The following TUT4 variants were observed in gnomAD, a reference collection of about 807,000 sequenced individuals.
TUT4 encodes terminal uridylyltransferase 4.
A neutral mutation model predicts 192.2 loss-of-function variants in TUT4; 36 were observed. The observed-to-expected ratio is 0.19, with a 90% CI of 0.14 to 0.25. TUT4 has a LOEUF of 0.25. TUT4 is among the 10% of genes least tolerant of loss of function. The pLI, the probability that TUT4 is intolerant of heterozygous loss-of-function variation, is 1.00. For missense variants in TUT4, 1,493 were observed against 1,957.2 expected (o/e 0.76, Z 4.47); for synonymous variants, 618 against 666.0 (o/e 0.93, Z 1.11).
rs954261613 is a variant in TUT4 at position 52,505,137 on chromosome 1, T to C, written c.999+4459A>G. On this transcript the variant is annotated intron_variant, in intron 4 of 29. Coordinates refer to ENST00000257177, the MANE Select transcript of TUT4 (RefSeq NM_001009881.3). ...ATCATACTGTAGTTCTATTTTTAAT[T>C]TGTTGAAGAACCACCGTACTCTTTT... Among the ~76,000 whole-genome samples, 4 of 152,322 alleles carry C rather than the reference T, an allele frequency of 2.6e-5. No individual in the cohort carries two copies. The South Asian group carries it at 6.2e-4, about 24-fold the overall frequency.
At chr1:52,531,133 C>T (rs1683278592) in intron 1 of TUT4, among the ~76,000 whole-genome samples, 1 of 151,992 alleles carries the variant, frequency 6.6e-6, no homozygotes, top group Non-Finnish European at 1.5e-5. Flanking sequence ...ACCTCTAGTT[C>T]TTGGTTACAT....
In TUT4 at chr1:52,510,317, C is replaced by CAAAAAAAA. The variant is rs200690805; in HGVS notation, c.883-613_883-606dup. 3.2e-3 allele frequency among the ~76,000 whole-genome samples: 249 copies of CAAAAAAAA among 78,294 alleles called. 1 individual carries two copies. Among genetic ancestry groups the CAAAAAAAA allele is most frequent in the Non-Finnish European group, 4.5e-3 (174 of 38,512 alleles). The allele number at this position is 78,294 out of a possible 152,430, so 51.4% of individuals were successfully genotyped here. ...GCAACAGAGCAAGACTTCGTATTAA[C>CAAAAAAAA]AAAAAAAAAAAAAAAAAAAAAAAAG... On this transcript the variant is annotated intron_variant, in intron 3 of 29. Coordinates refer to ENST00000257177, the MANE Select transcript of TUT4 (RefSeq NM_001009881.3).
At chr1:52,456,145 T>C (rs1224983244) in intron 20 of TUT4, among the ~76,000 whole-genome samples, 1 of 152,116 alleles carries the variant, frequency 6.6e-6, no homozygotes, top group Non-Finnish European at 1.5e-5. Flanking sequence ...GGCTCATGCC[T>C]GTAATCCCAG....
chr1:52,481,291 T>C, intron 11 of TUT4, 132 bp downstream of exon 11: 2 of 923,568 alleles, frequency 2.2e-6, no homozygotes, highest in Non-Finnish European at 3.3e-6. Context: ...AACCCCTCAC[T>C]TTATAGATGA....
chr1:52,462,175 C>CTTTTTTTTTTTTTT (rs1210058850), intron 16 of TUT4: 4 of 121,060 alleles, frequency 3.3e-5, no homozygotes, highest in African/African-American at 9.5e-5. Context: ...GGATTCAAAT[C>CTTTTTTTTTTTTTT]TTTTTTTTTT....
At chr1:52,519,035 A>G (rs1253452675) in intron 2 of TUT4, among the ~76,000 whole-genome samples, 2 of 152,226 alleles carry the variant, frequency 1.3e-5, no homozygotes, top group African/African-American at 4.8e-5. Flanking sequence ...ATATACTGAA[A>G]AAATGAAAAC....
At chr1:52,475,948 G>A (rs541075716) in intron 12 of TUT4, among the ~76,000 whole-genome samples, 2 of 152,036 alleles carry the variant, frequency 1.3e-5, no homozygotes, top group East Asian at 1.9e-4. Context: ...AGGTTCAAGC[G>A]ATTCTCCTGA....
Position 52,425,510 on chromosome 1 carries a change from G to A in TUT4, c.4712-3C>T, listed in dbSNP as rs1454534121. On this transcript the variant is annotated splice_region_variant and splice_polypyrimidine_tract_variant and intron_variant, in intron 28 of 29. Coordinates refer to ENST00000257177, the MANE Select transcript of TUT4 (RefSeq NM_001009881.3). ...AGTCAGTCCTCGAAAGCCTGGCTCT[G>A]CATTTCAACAAGAGGGAAAAAGACA... The A allele has an allele frequency of 1.9e-6, 3 of 1,603,842 alleles. No individual in the cohort carries two copies. Among genetic ancestry groups the A allele is most frequent in the Admixed American group, 3.5e-5 (2 of 57,550 alleles).
At chr1:52,429,739 T>C (rs1477319376) in intron 28 of TUT4, among the ~76,000 whole-genome samples, 4 of 151,774 alleles carry the variant, frequency 2.6e-5, no homozygotes, top group Non-Finnish European at 4.4e-5. Flanking sequence ...ATTACAGGCA[T>C]GCATCACCAC....
intron 2 of TUT4, among the ~76,000 whole-genome samples, chr1:52,520,597 C>G (rs1325187669): frequency 6.6e-6 from 1 of 152,102 alleles, no homozygotes; most frequent in Non-Finnish European, 1.5e-5. Context: ...TTTGAGAAAC[C>G]CAGATCAAGA....
chr1:52,521,817 A>G (rs999611969), intron 2 of TUT4, among the ~76,000 whole-genome samples: 53 of 152,002 alleles, frequency 3.5e-4, no homozygotes, highest in African/African-American at 1.3e-3. Flanking sequence ...TACAAAAATT[A>G]GCCAGGTGTG....
intron 28 of TUT4, among the ~76,000 whole-genome samples, chr1:52,430,302 T>G (rs1651653421): frequency 6.6e-6 from 1 of 152,176 alleles, no homozygotes; most frequent in Non-Finnish European, 1.5e-5. Context: ...TTTTTTTGTT[T>G]GAGACAGTTC....
At chr1:52,438,074 C>A (rs1320990645) in intron 25 of TUT4, 146 bp downstream of exon 25, 7 of 574,010 alleles carry the variant, frequency 1.2e-5, no homozygotes, top group Middle Eastern at 4.0e-4. Flanking sequence ...TACCCTATTA[C>A]AAAATTCCAC....
chr1:52,506,645 A>AT (rs1218756793), intron 4 of TUT4, among the ~76,000 whole-genome samples: 4 of 152,144 alleles, frequency 2.6e-5, no homozygotes, highest in Non-Finnish European at 4.4e-5. Context: ...TTCGTTTCTA[A>AT]TAGTCCTGTT....
At chr1:52,507,794 T>G (rs115206208) in intron 4 of TUT4, among the ~76,000 whole-genome samples, 4,238 of 152,236 alleles carry the variant, frequency 0.028, 78 homozygotes, top group South Asian at 0.063. Context: ...CAATCTGTAA[T>G]GTGTATAGGT....
intron 16 of TUT4, among the ~76,000 whole-genome samples, chr1:52,464,088 A>G (rs1663382062): frequency 6.6e-6 from 1 of 152,158 alleles, no homozygotes; most frequent in Non-Finnish European, 1.5e-5. Flanking sequence ...TCAAAGCCTC[A>G]GTTTCCTCAT....
intron 29 of TUT4, 109 bp downstream of exon 29, chr1:52,425,240 G>A (rs1649454323): frequency 7.6e-7 from 1 of 1,317,594 alleles, no homozygotes. Flanking sequence ...CTCAGTAAAT[G>A]TTTACTGAAT....
Position 52,490,810 on chromosome 1 carries a change from GAAA to G in TUT4, c.1319-12_1319-10del. On this transcript the variant is annotated splice_polypyrimidine_tract_variant and intron_variant, in intron 7 of 29. Transcript: ENST00000257177. ...CACATCTACATATAATACTAATAAG[GAAA>G]AAAAAAAGTAAGCTAATGTCAACAT... is the stretch of plus-strand genomic sequence containing the variant. 6.9e-7 allele frequency: 1 copy of G among 1,458,760 alleles called. No individual in the cohort carries two copies. Among genetic ancestry groups the G allele is most frequent in the Non-Finnish European group, 9.3e-7 (1 of 1,080,282 alleles). The allele number at this position is 1,458,760 out of a possible 1,614,324, so 90.4% of individuals were successfully genotyped here. A position where few individuals can be genotyped will look rare whatever the true frequency, so the allele number is the denominator to read the frequency against.
intron 4 of TUT4, among the ~76,000 whole-genome samples, chr1:52,498,882 A>C (rs1213126998): frequency 1.0e-5 from 1 of 98,212 alleles, no homozygotes; most frequent in Non-Finnish European, 2.0e-5. Context: ...GCAAGACTCC[A>C]TTACAAAAAA....
Sources: gnomAD v4.1 joint callset for allele counts (sites outside exome capture counted in the v4.1 genomes callset) on GRCh38, gnomAD v4.1.1 for gene constraint, MANE v1.5 for transcripts, NCBI Gene and HGNC (gene_info 2026-07-23, HGNC 2026-07-21) for gene names.